Variants in ETV1 observed in about 807,000 individuals in gnomAD.
ETV1 encodes ETS translocation variant 1.
In ETV1, 27 loss-of-function variants were observed where a neutral mutation model predicts 62.3. The observed-to-expected ratio is 0.43, with a 90% CI of 0.32 to 0.60. The LOEUF is 0.60. Ranked by LOEUF, ETV1 falls within the 20% of genes least tolerant of loss-of-function variation. The pLI, the probability that ETV1 is intolerant of heterozygous loss-of-function variation, is 0.06. For missense variants in ETV1, 605 were observed against 605.8 expected (o/e 1.00, Z 0.01); for synonymous variants, 222 against 199.6 (o/e 1.11, Z -0.94).
At chr7:13,988,808 C>G in intron 3 of ETV1, 200 bp downstream of exon 3, 1 of 1,606,072 alleles carries the variant, frequency 6.2e-7, no homozygotes, top group Non-Finnish European at 8.5e-7. Flanking sequence ...AAAAACAAAA[C>G]TATGCCTTAT....
At chr7:13,953,139 G>C (rs896592137) in intron 6 of ETV1, among the ~76,000 whole-genome samples, 2 of 152,152 alleles carry the variant, frequency 1.3e-5, no homozygotes, top group African/African-American at 4.8e-5. Context: ...AACAAATTCT[G>C]TACAGGGAGC....
At chr7:13,896,838 T>C (rs1231864014) in intron 13 of ETV1, among the ~76,000 whole-genome samples, 1 of 151,816 alleles carries the variant, frequency 6.6e-6, no homozygotes, top group Non-Finnish European at 1.5e-5. Context: ...AAGGACAGTA[T>C]CCTGGGTACA....
At chr7:13,910,943 T>G (rs1278328856) in intron 10 of ETV1, among the ~76,000 whole-genome samples, 3 of 152,208 alleles carry the variant, frequency 2.0e-5, no homozygotes, top group Non-Finnish European at 2.9e-5. Flanking sequence ...TCAGTAGTAG[T>G]AAAGTGGGCT....
chr7:13,952,450 G>A (rs973034586), intron 6 of ETV1, among the ~76,000 whole-genome samples: 8 of 152,140 alleles, frequency 5.3e-5, no homozygotes, highest in Admixed American at 1.3e-4. Context: ...ATAACTGAGG[G>A]CATTTGCTGC....
At chr7:13,991,274 C>G (rs1782990553), upstream of ETV1, 1 of 152,388 alleles carries the variant, frequency 6.6e-6, no homozygotes, top group South Asian at 2.1e-4. Flanking sequence ...CTCCACCACC[C>G]TGCACTCCTG....
intron 9 of ETV1, among the ~76,000 whole-genome samples, chr7:13,925,592 G>C (rs1785319546): frequency 6.7e-6 from 1 of 148,808 alleles, no homozygotes; most frequent in African/African-American, 2.5e-5. Flanking sequence ...TTGAGACAGA[G>C]TCTCGCTCTG....
intron 9 of ETV1, among the ~76,000 whole-genome samples, chr7:13,922,283 G>A (rs181649193): frequency 6.6e-6 from 1 of 152,198 alleles, no homozygotes. Flanking sequence ...GCATACATTC[G>A]TAACAACTTG....
intron 6 of ETV1, among the ~76,000 whole-genome samples, chr7:13,940,103 C>T (rs1334789569): frequency 2.0e-5 from 3 of 152,168 alleles, no homozygotes; most frequent in Admixed American, 6.5e-5. Flanking sequence ...TGGCTCACGC[C>T]GGTAATCCCA....
intron 7 of ETV1, among the ~76,000 whole-genome samples, chr7:13,938,268 C>T (rs1017567744): frequency 5.9e-5 from 9 of 152,072 alleles, no homozygotes; most frequent in African/African-American, 2.2e-4. Flanking sequence ...TCTTACATAT[C>T]TTGGACATAA....
intron 9 of ETV1, among the ~76,000 whole-genome samples, chr7:13,924,008 C>T (rs182973296): frequency 1.1e-3 from 170 of 150,752 alleles, no homozygotes; most frequent in African/African-American, 3.7e-3. Flanking sequence ...GTACTCCAGC[C>T]GGGGCAACAA....
intron 13 of ETV1, among the ~76,000 whole-genome samples, chr7:13,897,002 A>T (rs1781913091): frequency 6.6e-6 from 1 of 152,186 alleles, no homozygotes; most frequent in African/African-American, 2.4e-5. Flanking sequence ...AACTGCCTGG[A>T]ATAAAGAAGT....
In ETV1 at chr7:13,891,625, C is replaced by G. The variant is rs776311336; in HGVS notation, c.*4241G>C. ...GTCTCATGTATATAAAAAAAGAAGT[C>G]CTAAAAGTACTAGTTGAGCTCTGAA... On this transcript the variant is annotated 3_prime_UTR_variant, in exon 14 of 14. Coordinates refer to ENST00000430479, the MANE Select transcript of ETV1 (RefSeq NM_004956.5). The G allele has an allele frequency of 7.3e-5, 17 of 231,446 alleles. No homozygotes were observed. Among genetic ancestry groups the G allele is most frequent in the Non-Finnish European group, 1.4e-4 (16 of 117,262 alleles). 14.3% of individuals were successfully genotyped at this position (231,446 alleles called of 1,614,324 possible). A position where few individuals can be genotyped will look rare whatever the true frequency, so the allele number is the denominator to read the frequency against.
At chr7:13,935,162 C>T (rs535033689) in intron 8 of ETV1, among the ~76,000 whole-genome samples, 1 of 152,138 alleles carries the variant, frequency 6.6e-6, no homozygotes, top group Non-Finnish European at 1.5e-5. Context: ...AATTGAGTCT[C>T]TATCTCTTTA....
At chr7:13,951,443 G>C (rs915943862) in intron 6 of ETV1, among the ~76,000 whole-genome samples, 3 of 152,116 alleles carry the variant, frequency 2.0e-5, no homozygotes, top group Admixed American at 2.0e-4. Context: ...GATAATAACA[G>C]CACCTGCCTC....
intron 3 of ETV1, chr7:13,988,516 T>C (rs1782753496): frequency 1.3e-6 from 1 of 746,920 alleles, no homozygotes; most frequent in Non-Finnish European, 2.1e-6. Context: ...ATTAAAACAG[T>C]GGGTTTTATT....
At chr7:13,896,125 A>C in intron 13 of ETV1, 38 bp from the exon 14 acceptor site, 1 of 1,537,524 alleles carries the variant, frequency 6.5e-7, no homozygotes, top group Non-Finnish European at 8.9e-7. Context: ...CATCCTCACC[A>C]TCGCCAGATG....
chr7:13,970,806 C>G (rs1288836914), intron 6 of ETV1, among the ~76,000 whole-genome samples: 2 of 151,950 alleles, frequency 1.3e-5, no homozygotes, highest in Admixed American at 1.3e-4. Flanking sequence ...TTTTTCTGAT[C>G]CTGGACAGGT....
At chr7:13,941,511 T>G (rs1328100856) in intron 6 of ETV1, among the ~76,000 whole-genome samples, 1 of 152,182 alleles carries the variant, frequency 6.6e-6, no homozygotes, top group East Asian at 1.9e-4. Flanking sequence ...AACGTTTGTC[T>G]ATGTGTCCTA....
intron 9 of ETV1, among the ~76,000 whole-genome samples, chr7:13,922,862 G>A (rs1785011183): frequency 6.6e-6 from 1 of 152,154 alleles, no homozygotes; most frequent in South Asian, 2.1e-4. Context: ...CAATTGTTCA[G>A]AAAGGATGAA....
Sources: gnomAD v4.1 joint callset for allele counts (sites outside exome capture counted in the v4.1 genomes callset) on GRCh38, gnomAD v4.1.1 for gene constraint, MANE v1.5 for transcripts, NCBI Gene and HGNC (gene_info 2026-07-23, HGNC 2026-07-21) for gene names.